IL6ST: variants seen among roughly 807,000 people sequenced by gnomAD.
IL6ST encodes interleukin 6 cytokine family signal transducer.
In IL6ST, 24 loss-of-function variants were observed where a neutral mutation model predicts 91.3. The observed-to-expected ratio is 0.26, with a 90% CI of 0.19 to 0.37. IL6ST has a LOEUF of 0.37. Among genes scored for constraint, IL6ST ranks in the 10% least tolerant of loss-of-function variants. The probability of loss-of-function intolerance (pLI) is 1.00; values close to 1 mark genes in which losing one functional copy is unlikely to be tolerated. For missense variants in IL6ST, 914 were observed against 1,078.5 expected, an observed-to-expected ratio of 0.85 and a Z score of 2.14; for synonymous variants, 351 against 373.6, an observed-to-expected ratio of 0.94 and a Z score of 0.70.
rs1750781052 is a variant in IL6ST at position 55,939,993 on chromosome 5, T to TA, written c.*1088dup. ...GTGTGCCTCAAACATTTACTAAAAA[T>TA]AAAAAAATTTAAATCTTTGCCTACT... On this transcript the variant is annotated 3_prime_UTR_variant, in exon 17 of 17. Coordinates refer to ENST00000381298, the MANE Select transcript of IL6ST (RefSeq NM_002184.4). 1.0e-5 allele frequency: 2 copies of TA among 200,536 alleles called. No individual in the cohort carries two copies. The highest frequency in any genetic ancestry group is 1.9e-4 in the South Asian group (1 of 5,222). 12.4% of individuals were successfully genotyped at this position (200,536 alleles called of 1,614,324 possible).
chr5:55,979,963 T>TA (rs1449310862), intron 2 of IL6ST, among the ~76,000 whole-genome samples: 1 of 152,220 alleles, frequency 6.6e-6, no homozygotes. Flanking sequence ...GAGGAAGCTC[T>TA]ATATGTACAG....
At chr5:55,994,154 ACAGACCCTTGCTTC>A (rs1754503828) in intron 1 of IL6ST, 1 of 151,692 alleles carries the variant, frequency 6.6e-6, no homozygotes, top group Non-Finnish European at 1.5e-5. Flanking sequence ...CCACTGAAGA[ACAGACCCTTGCTTC>A]CTGCACTATC....
intron 1 of IL6ST, 72 bp from the exon 2 acceptor site, chr5:55,982,883 C>G (rs1016014929): frequency 5.0e-6 from 2 of 396,674 alleles, no homozygotes; most frequent in East Asian, 7.2e-5. Flanking sequence ...TTTAAAAATC[C>G]CCATCTGCTC....
intron 5 of IL6ST, among the ~76,000 whole-genome samples, chr5:55,965,556 T>A (rs1752581046): frequency 6.6e-6 from 1 of 152,056 alleles, no homozygotes; most frequent in African/African-American, 2.4e-5. Flanking sequence ...CAGATTGTAG[T>A]CTGTAAATAT....
intron 7 of IL6ST, among the ~76,000 whole-genome samples, chr5:55,961,348 C>T (rs956604127): frequency 2.0e-5 from 3 of 152,122 alleles, no homozygotes; most frequent in South Asian, 4.1e-4. Context: ...GCAGTTAGTA[C>T]TCTGGGGCTT....
At position 55,964,239 on chromosome 5, in the gene IL6ST, C is replaced by A. The variant is rs751581504; in HGVS notation, c.565G>T (p.Val189Leu). Reference sequence around the variant, plus strand: ...CAGACTTCAATGTTGACAAAATACACAGTAGAATAATCAACAGTGCATGAG... The same window carrying A: ...CAGACTTCAATGTTGACAAAATACAAAGTAGAATAATCAACAGTGCATGAG... ...PTSCTVDYST[V>L]YFVNIEVWVE... The change falls in exon 6 of 17, where the codon GTG becomes TTG. Residue 189 changes from valine to leucine, a missense_variant. Val to Leu is a conservative substitution (Grantham distance 32). Coordinates refer to ENST00000381298, the MANE Select transcript of IL6ST (RefSeq NM_002184.4). The A allele has an allele frequency of 3.0e-5, 48 of 1,610,716 alleles. No individual in the cohort carries two copies. The highest frequency in any genetic ancestry group is 3.5e-5 in the Non-Finnish European group (41 of 1,177,582).
intron 2 of IL6ST, among the ~76,000 whole-genome samples, chr5:55,982,062 T>C (rs1753705684): frequency 1.3e-5 from 2 of 152,214 alleles, no homozygotes; most frequent in South Asian, 2.1e-4. Flanking sequence ...ATTATCCCTA[T>C]AGTTGTTCAT....
intron 4 of IL6ST, among the ~76,000 whole-genome samples, chr5:55,969,219 G>A (rs72765604): frequency 0.019 from 2,865 of 151,808 alleles, 43 homozygotes; most frequent in Non-Finnish European, 0.028. Flanking sequence ...TCCAGTATTT[G>A]TTCGCTTTCT....
Position 55,994,841 on chromosome 5 carries a change from C to G in IL6ST, c.-161G>C, listed in dbSNP as rs1165530874. ...CCACAGCGCACGAACCCCTTGGCGCCAGGCTGGGCCAGACCCGTCGGCCTG... is the reference window on the plus strand; with the variant it reads ...CCACAGCGCACGAACCCCTTGGCGCGAGGCTGGGCCAGACCCGTCGGCCTG... On this transcript the variant is annotated 5_prime_UTR_variant, in exon 1 of 17. Transcript: ENST00000381298. 6.6e-6 allele frequency: 1 copy of G among 152,360 alleles called. No individual in the cohort carries two copies. Among genetic ancestry groups the G allele is most frequent in the Non-Finnish European group, 1.5e-5 (1 of 68,162 alleles). The allele number at this position is 152,360 out of a possible 1,614,324, so 9.4% of individuals were successfully genotyped here.
chr5:55,957,482 G>C (rs1188955897), intron 8 of IL6ST, among the ~76,000 whole-genome samples, 191 bp from the exon 9 acceptor site: 1 of 152,178 alleles, frequency 6.6e-6, no homozygotes, highest in African/African-American at 2.4e-5. Context: ...GTGATAGCCT[G>C]ATCAATTATA....
At position 55,941,407 on chromosome 5, in the gene IL6ST, C is replaced by T. The variant is rs1160375980; in HGVS notation, c.2432G>A (p.Arg811Lys). The T allele has an allele frequency of 6.2e-7, 1 of 1,614,090 alleles. No homozygotes were observed. The highest frequency in any genetic ancestry group is 1.1e-5 in the South Asian group (1 of 91,072). Reference sequence around the variant, plus strand: ...GCAGTTCTGTTTGAAGTACTGTTGCCTGGGCAAAATACCATCACCGCCATC... The same window carrying T: ...GCAGTTCTGTTTGAAGTACTGTTGCTTGGGCAAAATACCATCACCGCCATC... ...HVDGGDGILPRQQYFKQNCSQ... is the reference protein window; with the variant it reads ...HVDGGDGILPKQQYFKQNCSQ... The change falls in exon 17 of 17, where the codon AGG (arginine) becomes AAG (lysine). Residue 811 changes from arginine (R) to lysine (K), a missense_variant. By Grantham distance (26) the Arg-to-Lys change is conservative (BLOSUM62 2). Transcript: ENST00000381298.
At chr5:55,954,618 C>T (rs992736740) in intron 11 of IL6ST, among the ~76,000 whole-genome samples, 192 bp downstream of exon 11, 1 of 152,152 alleles carries the variant, frequency 6.6e-6, no homozygotes, top group Non-Finnish European at 1.5e-5. Context: ...GTATTAACCC[C>T]ACTCTGTTCA....
chr5:55,947,612 AAAAAAG>A (rs2111641314), intron 14 of IL6ST, 23 bp from the exon 15 acceptor site: 1 of 1,368,386 alleles, frequency 7.3e-7, no homozygotes, highest in Non-Finnish European at 1.0e-6. Context: ...AAAAAAAAAA[AAAAAAG>A]AGGTGTGATG....
intron 15 of IL6ST, among the ~76,000 whole-genome samples, chr5:55,946,827 A>C (rs904998062): frequency 6.6e-6 from 1 of 152,112 alleles, no homozygotes; most frequent in African/African-American, 2.4e-5. Flanking sequence ...AAAAAAAAAA[A>C]AGGGAGAAGT....
rs368526229 is a variant in IL6ST, at chr5:55,957,246, T to G, written c.1019A>C (p.His340Pro). 1.3e-6 allele frequency: 2 copies of G among 1,571,024 alleles called. No individual in the cohort carries two copies. The highest frequency in any genetic ancestry group is 1.7e-6 in the Non-Finnish European group (2 of 1,154,076). Residue 340 changes from histidine to proline, a missense_variant, in exon 9 of 17, where the codon CAT (histidine) becomes CCT (proline). By Grantham distance (77) the His-to-Pro change is moderately conservative. Coordinates refer to ENST00000381298, the MANE Select transcript of IL6ST (RefSeq NM_002184.4). ...TTGTACAGTTCTGTAGCCTTGAGTA[T>G]GGGATGGATCTATTTTATACCAGAA... ...PSFWYKIDPS[H>P]TQGYRTVQLV...
chr5:55,957,519 T>C (rs1423784606), intron 8 of IL6ST, among the ~76,000 whole-genome samples: 1 of 152,160 alleles, frequency 6.6e-6, no homozygotes, highest in East Asian at 1.9e-4. Context: ...ACCTCAAAAT[T>C]GTAAAGGTAA....
chr5:55,982,202 T>C (rs563700191), intron 2 of IL6ST, among the ~76,000 whole-genome samples: 2 of 152,320 alleles, frequency 1.3e-5, no homozygotes, highest in South Asian at 2.1e-4. Flanking sequence ...GATTTTTTTT[T>C]CATTTTCTAA....
intron 7 of IL6ST, among the ~76,000 whole-genome samples, chr5:55,962,761 ATT>A (rs1752397536): frequency 1.3e-5 from 2 of 152,050 alleles, no homozygotes; most frequent in East Asian, 3.9e-4. Flanking sequence ...TAATCTCTTT[ATT>A]TTTGCTCCTC....
chr5:55,964,763 C>G (rs1259918599), intron 5 of IL6ST, among the ~76,000 whole-genome samples: 1 of 152,076 alleles, frequency 6.6e-6, no homozygotes, highest in Non-Finnish European at 1.5e-5. Context: ...TAGCCTCTTT[C>G]TAGTCAAACT....
Sources: gnomAD v4.1 joint callset for allele counts (sites outside exome capture counted in the v4.1 genomes callset) on GRCh38, gnomAD v4.1.1 for gene constraint, MANE v1.5 for transcripts, NCBI Gene and HGNC (gene_info 2026-07-23, HGNC 2026-07-21) for gene names.